Variants in RIN3 observed in about 807,000 individuals in gnomAD.
The protein encoded by RIN3 is Ras and Rab interactor 3, also known as RAB5 interacting protein 3.
A neutral mutation model predicts 76.3 loss-of-function variants in RIN3; 54 were observed. That is an observed-to-expected ratio of 0.71 (90% CI 0.57 to 0.89). The LOEUF (loss-of-function observed/expected upper bound fraction) is 0.89. Ranked by LOEUF, RIN3 falls within the 40% of genes least tolerant of loss-of-function variation. The pLI is 0.00. For missense variants in RIN3, 1,256 were observed against 1,322.1 expected (o/e 0.95, Z 0.78); for synonymous variants, 576 against 564.0 (o/e 1.02, Z -0.30).
In RIN3 at chr14:92,514,985, C is replaced by G. The variant is rs1430208983; in HGVS notation, c.44+1009C>G. On this transcript the variant is annotated intron_variant, in intron 1 of 9. Transcript: ENST00000216487. This position sits in a 1 kb window ranked among gnomAD's most constrained non-coding sequence, Gnocchi z 7.2. ...TGGCTTGGCAGTGGGACCTCATCTC[C>G]CAGGCCCTCAGTTCTCTGCTCTGTG... is the stretch of plus-strand genomic sequence containing the variant. Among the ~76,000 whole-genome samples, 1 of 152,188 alleles carries G rather than the reference C, an allele frequency of 6.6e-6. No individual in the cohort carries two copies. Among genetic ancestry groups the G allele is most frequent in the Non-Finnish European group, 1.5e-5 (1 of 68,026 alleles).
At chr14:92,641,835 G>T (rs1252939321) in intron 5 of RIN3, among the ~76,000 whole-genome samples, 2 of 152,218 alleles carry the variant, frequency 1.3e-5, no homozygotes. Flanking sequence ...AGGAAAAGAA[G>T]AAGGGGAGGG....
chr14:92,522,815 C>T (rs1428088722), intron 1 of RIN3, among the ~76,000 whole-genome samples: 4 of 152,110 alleles, frequency 2.6e-5, no homozygotes, highest in Non-Finnish European at 4.4e-5. Context: ...TAGGTGTGGC[C>T]ATATGACTAA....
intron 2 of RIN3, among the ~76,000 whole-genome samples, chr14:92,560,740 C>T (rs1167276728): frequency 4.0e-5 from 6 of 151,892 alleles, no homozygotes; most frequent in Non-Finnish European, 8.8e-5. Flanking sequence ...GACACCGGGC[C>T]GGATGCGGTG....
intron 2 of RIN3, among the ~76,000 whole-genome samples, chr14:92,570,342 ACACT>A (rs145646646): frequency 8.3e-6 from 1 of 120,388 alleles, no homozygotes; most frequent in African/African-American, 3.0e-5. Context: ...ACACACACAC[ACACT>A]CACACACACT....
Position 92,651,828 on chromosome 14 carries a change from G to C in RIN3, c.779G>C (p.Arg260Pro). The C allele has an allele frequency of 6.2e-7, 1 of 1,612,238 alleles. No homozygotes were observed. The highest frequency in any genetic ancestry group is 1.7e-5 in the Admixed American group (1 of 59,918). ...DQPPLGNCPA[R>P]PLPPTSDATS... Reference sequence around the variant, plus strand: ...CCACCTCTTGGAAATTGCCCTGCACGCCCTTTGCCGCCCACCTCTGATGCC... The same window carrying C: ...CCACCTCTTGGAAATTGCCCTGCACCCCCTTTGCCGCCCACCTCTGATGCC... The change falls in exon 6 of 10, where the codon CGC (arginine) becomes CCC (proline). Residue 260 changes from arginine (R) to proline (P), a missense_variant. Around this residue, in one of 3 missense-constraint regions of RIN3, gnomAD observed 610 missense variants for 626.4 expected, o/e 0.97. Coordinates refer to ENST00000216487, the MANE Select transcript of RIN3 (RefSeq NM_024832.5).
intron 4 of RIN3, among the ~76,000 whole-genome samples, chr14:92,622,605 A>C (rs1595462634): frequency 6.6e-6 from 1 of 152,216 alleles, no homozygotes; most frequent in Non-Finnish European, 1.5e-5. Flanking sequence ...TCCCTAACGC[A>C]GACCCTGTTC....
intron 1 of RIN3, among the ~76,000 whole-genome samples, chr14:92,548,583 C>T (rs967640753): frequency 1.1e-4 from 16 of 152,268 alleles, no homozygotes; most frequent in East Asian, 3.9e-4. Flanking sequence ...TGCCTCTCCC[C>T]GAGCTCCTGG....
At chr14:92,546,680 AG>A (rs1255099024) in intron 1 of RIN3, among the ~76,000 whole-genome samples, 1 of 151,840 alleles carries the variant, frequency 6.6e-6, no homozygotes, top group Non-Finnish European at 1.5e-5. Context: ...TTGTTATGAT[AG>A]TGGGCGTAAC....
chr14:92,630,223 GCTCACAC>G (rs1230928482), intron 4 of RIN3, among the ~76,000 whole-genome samples: 2 of 152,174 alleles, frequency 1.3e-5, no homozygotes, highest in African/African-American at 4.8e-5. Context: ...CAGCGCAGTG[GCTCACAC>G]CTGTAATCCC....
intron 6 of RIN3, among the ~76,000 whole-genome samples, 176 bp downstream of exon 6, chr14:92,653,251 C>T (rs532009844): frequency 5.9e-5 from 9 of 152,108 alleles, no homozygotes; most frequent in Non-Finnish European, 1.0e-4. Flanking sequence ...TAATGGTGCC[C>T]GGCTCCCCCC....
At position 92,651,679 on chromosome 14, in the gene RIN3, C is replaced by T. The variant is rs759520468; in HGVS notation, c.630C>T (p.Leu210=). ...RAPGFPLVSS[L]RPTAHDANCA... ...CCGGATTCCCCCTAGTCTCCAGCCT[C>T]AGGCCCACAGCCCATGACGCAAACT... The change falls in exon 6 of 10, where the codon CTC becomes CTT. Residue 210 remains leucine, a synonymous_variant. Transcript: ENST00000216487. 1 of 1,614,080 alleles carries T rather than the reference C, an allele frequency of 6.2e-7. No homozygotes were observed. Among genetic ancestry groups the T allele is most frequent in the South Asian group, 1.1e-5 (1 of 91,084 alleles).
chr14:92,522,748 C>T (rs991389390), intron 1 of RIN3, among the ~76,000 whole-genome samples: 1 of 152,106 alleles, frequency 6.6e-6, no homozygotes, highest in Non-Finnish European at 1.5e-5. Context: ...GCTGATTGGC[C>T]CCTGAATTTT....
At chr14:92,572,877 CTTTTTT>C (rs763771909) in intron 2 of RIN3, among the ~76,000 whole-genome samples, 1,019 of 100,094 alleles carry the variant, frequency 0.01, 17 homozygotes, top group South Asian at 0.023. Flanking sequence ...CTTTTTTTTG[CTTTTTT>C]TTTTTTTTTT....
chr14:92,647,186 T>A (rs1429802596), intron 5 of RIN3, among the ~76,000 whole-genome samples: 1 of 152,232 alleles, frequency 6.6e-6, no homozygotes, highest in Non-Finnish European at 1.5e-5. Context: ...GCTATTGACT[T>A]GCAGGCTGAG....
chr14:92,540,188 A>T (rs1166769041), intron 1 of RIN3, among the ~76,000 whole-genome samples: 1 of 152,228 alleles, frequency 6.6e-6, no homozygotes, highest in African/African-American at 2.4e-5. Flanking sequence ...GAGCTGAGGC[A>T]GTCTGGCCTG....
intron 1 of RIN3, among the ~76,000 whole-genome samples, chr14:92,554,619 A>G (rs1321090324): frequency 6.6e-6 from 1 of 152,236 alleles, no homozygotes; most frequent in Non-Finnish European, 1.5e-5. Context: ...ATTTAACCTG[A>G]CACATTTAAA....
At chr14:92,530,498 T>G (rs541153638) in intron 1 of RIN3, among the ~76,000 whole-genome samples, 1 of 152,202 alleles carries the variant, frequency 6.6e-6, no homozygotes, top group South Asian at 2.1e-4. Context: ...CAGGGTCGAG[T>G]TTTTGTTGTT....
intron 2 of RIN3, among the ~76,000 whole-genome samples, chr14:92,573,891 T>G (rs1898135510): frequency 6.6e-6 from 1 of 152,228 alleles, no homozygotes; most frequent in Admixed American, 6.5e-5. Context: ...CACTAGTTCA[T>G]GGATGCTGCA....
chr14:92,515,756 C>A (rs1181437605), intron 1 of RIN3, among the ~76,000 whole-genome samples: 1 of 152,206 alleles, frequency 6.6e-6, no homozygotes, highest in Non-Finnish European at 1.5e-5. Context: ...AAGTAGCTGC[C>A]CCCAGGCAGC....
Sources: allele counts gnomAD v4.1 joint callset (sites outside exome capture counted in the v4.1 genomes callset), GRCh38; gene constraint gnomAD v4.1.1; regional missense constraint gnomAD v4.1.1; non-coding constraint Gnocchi (gnomAD v3.1); transcripts MANE v1.5; gene names NCBI Gene and HGNC (gene_info 2026-07-23, HGNC 2026-07-21).